Variants in SCAMP1 observed in about 807,000 individuals in gnomAD.
The protein encoded by SCAMP1 is secretory carrier membrane protein 1.
In SCAMP1, 15 loss-of-function variants were observed where a neutral mutation model predicts 41.8. The observed-to-expected ratio is 0.36, with a 90% confidence interval of 0.24 to 0.55. The LOEUF (loss-of-function observed/expected upper bound fraction) is 0.55. Ranked by LOEUF, SCAMP1 falls within the 20% of genes least tolerant of loss-of-function variation. The pLI is 0.86. For synonymous variants in SCAMP1, 135 were observed against 136.8 expected, an observed-to-expected ratio of 0.99 and a Z score of 0.09; for missense variants, 341 against 412.6, an observed-to-expected ratio of 0.83 and a Z score of 1.50.
At chr5:78,436,411 G>A (rs1752753915) in intron 6 of SCAMP1, among the ~76,000 whole-genome samples, 1 of 152,178 alleles carries the variant, frequency 6.6e-6, no homozygotes, top group African/African-American at 2.4e-5. Context: ...TAAGGTATAA[G>A]GAAGGGATCC....
chr5:78,464,553 A>G (rs1214235234), intron 8 of SCAMP1, among the ~76,000 whole-genome samples: 1 of 152,130 alleles, frequency 6.6e-6, no homozygotes, highest in Non-Finnish European at 1.5e-5. Context: ...AGTCCATTTA[A>G]TATATAATTC....
At chr5:78,415,422 G>T in intron 2 of SCAMP1, 98 bp from the exon 3 acceptor site, 1 of 698,990 alleles carries the variant, frequency 1.4e-6, no homozygotes, top group East Asian at 2.7e-5. Context: ...AAGAGATGCA[G>T]ATTTTGGGAT....
chr5:78,406,924 C>T (rs951601905), intron 2 of SCAMP1, among the ~76,000 whole-genome samples: 1 of 152,138 alleles, frequency 6.6e-6, no homozygotes, highest in Non-Finnish European at 1.5e-5. Flanking sequence ...TGTTCTTTGT[C>T]TCCAACTCTG....
intron 8 of SCAMP1, among the ~76,000 whole-genome samples, chr5:78,470,065 C>T (rs902336534): frequency 5.9e-5 from 9 of 151,976 alleles, no homozygotes; most frequent in Non-Finnish European, 1.0e-4. Context: ...ACACTCCAGC[C>T]TGGGCTACTG....
At chr5:78,436,665 C>T (rs945954752) in intron 6 of SCAMP1, among the ~76,000 whole-genome samples, 2 of 152,192 alleles carry the variant, frequency 1.3e-5, no homozygotes, top group African/African-American at 2.4e-5. Context: ...GTGATGCCTC[C>T]AGCTTTGTTC....
rs1482196203 is a variant in SCAMP1, at chr5:78,479,620, A to G, written c.*3952A>G. Among the ~76,000 whole-genome samples, 1 of 152,226 alleles carries G rather than the reference A, an allele frequency of 6.6e-6. No homozygotes were observed. Among genetic ancestry groups the G allele is most frequent in the Non-Finnish European group, 1.5e-5 (1 of 68,030 alleles). The stretch of plus-strand genomic sequence containing the variant: ...AGGTATTGCCACTAACCTGTCTTAT[A>G]TAAGCAGATACCTCTTATTTGAAGA... On this transcript the variant is annotated 3_prime_UTR_variant, in exon 9 of 9. Coordinates refer to ENST00000621999, the MANE Select transcript of SCAMP1 (RefSeq NM_004866.6).
Position 78,365,142 on chromosome 5 carries a change from A to G in SCAMP1, c.57+4414A>G, listed in dbSNP as rs973652591. ...AAGAGCTTAATGTATAGTGGTTTTA[A>G]TTAGGTACTAATATTTAGTATTAAT... On this transcript the variant is annotated intron_variant, in intron 1 of 8. Coordinates refer to ENST00000621999, the MANE Select transcript of SCAMP1 (RefSeq NM_004866.6). Among the ~76,000 whole-genome samples, 4 of 152,234 alleles carry G rather than the reference A, an allele frequency of 2.6e-5. No homozygotes were observed. The East Asian group carries it at 7.7e-4, about 29-fold the overall frequency.
chr5:78,376,122 A>G (rs555515289), intron 1 of SCAMP1, among the ~76,000 whole-genome samples: 2 of 152,234 alleles, frequency 1.3e-5, no homozygotes, highest in South Asian at 4.2e-4. Flanking sequence ...TCCTACCGAT[A>G]TGTGATGTCA....
At chr5:78,399,023 C>T (rs994450500) in intron 2 of SCAMP1, among the ~76,000 whole-genome samples, 3 of 152,160 alleles carry the variant, frequency 2.0e-5, no homozygotes, top group Non-Finnish European at 4.4e-5. Flanking sequence ...TTTACTGTCT[C>T]CATAGTTTTG....
chr5:78,361,975 C>T (rs1340039395), intron 1 of SCAMP1, among the ~76,000 whole-genome samples: 1 of 152,206 alleles, frequency 6.6e-6, no homozygotes, highest in Non-Finnish European at 1.5e-5. Context: ...ACTCGACTCA[C>T]TTTGTAGCAG....
At chr5:78,416,720 G>C (rs1199873446) in intron 4 of SCAMP1, 71 bp downstream of exon 4, 8 of 1,161,462 alleles carry the variant, frequency 6.9e-6, no homozygotes, top group Non-Finnish European at 2.4e-6. Flanking sequence ...CTAGCTCCTA[G>C]GTCATTTGGC....
At chr5:78,470,928 A>G (rs1419658604) in intron 8 of SCAMP1, among the ~76,000 whole-genome samples, 1 of 152,184 alleles carries the variant, frequency 6.6e-6, no homozygotes, top group African/African-American at 2.4e-5. Flanking sequence ...TAACACAGGT[A>G]TAGTCTCCTT....
rs145608010 is a variant in SCAMP1 at position 78,429,480 on chromosome 5, T to C, written c.632+7520T>C. Among the ~76,000 whole-genome samples, 3 of 152,154 alleles carry C rather than the reference T, an allele frequency of 2.0e-5. No individual in the cohort carries two copies. The East Asian group carries it at 5.8e-4, about 29-fold the overall frequency. ...ACTCTGTTAATATGGTGAGTTACATTGATTGACTTTTGTAAACCAACCCTG... is the reference window on the plus strand; with the variant it reads ...ACTCTGTTAATATGGTGAGTTACATCGATTGACTTTTGTAAACCAACCCTG... On this transcript the variant is annotated intron_variant, in intron 6 of 8. Coordinates refer to ENST00000621999, the MANE Select transcript of SCAMP1 (RefSeq NM_004866.6).
intron 1 of SCAMP1, among the ~76,000 whole-genome samples, chr5:78,382,058 A>C (rs1380524563): frequency 6.6e-6 from 1 of 152,234 alleles, no homozygotes; most frequent in Non-Finnish European, 1.5e-5. Context: ...ACTAAAGAGC[A>C]AAAGTCTCCA....
chr5:78,436,974 C>T (rs1391512386), intron 6 of SCAMP1, among the ~76,000 whole-genome samples: 1 of 152,198 alleles, frequency 6.6e-6, no homozygotes, highest in East Asian at 1.9e-4. Context: ...GTATTTTATT[C>T]TCTTTGTAGC....
At chr5:78,407,823 A>G (rs1751971536) in intron 2 of SCAMP1, among the ~76,000 whole-genome samples, 1 of 152,104 alleles carries the variant, frequency 6.6e-6, no homozygotes, top group Non-Finnish European at 1.5e-5. Flanking sequence ...AAAAGTCATT[A>G]TTATAGTTTT....
intron 8 of SCAMP1, among the ~76,000 whole-genome samples, chr5:78,474,636 T>C (rs1307656017): frequency 6.6e-6 from 1 of 152,180 alleles, no homozygotes; most frequent in Non-Finnish European, 1.5e-5. Context: ...TAAGCCTGCT[T>C]TGATTGCATT....
intron 1 of SCAMP1, among the ~76,000 whole-genome samples, chr5:78,385,715 C>G (rs1751324500): frequency 6.6e-6 from 1 of 152,148 alleles, no homozygotes; most frequent in South Asian, 2.1e-4. Context: ...AGTCATCATT[C>G]AGGAGCAGGT....
rs571932584 is a variant in SCAMP1 at position 78,479,190 on chromosome 5, A to C, written c.*3522A>C. 6.6e-6 allele frequency: 1 copy of C among 152,180 alleles called. No homozygotes were observed. Among genetic ancestry groups the C allele is most frequent in the Non-Finnish European group, 1.5e-5 (1 of 68,010 alleles). 9.4% of individuals were successfully genotyped at this position (152,180 alleles called of 1,614,324 possible). ...CATGGCTGTCATATACCATTTCACT[A>C]TATCTCCTTTCAGTTTTTCCTTAAG... On this transcript the variant is annotated 3_prime_UTR_variant, in exon 9 of 9. Coordinates refer to ENST00000621999, the MANE Select transcript of SCAMP1 (RefSeq NM_004866.6).
Sources: allele counts gnomAD v4.1 joint callset (sites outside exome capture counted in the v4.1 genomes callset), GRCh38; gene constraint gnomAD v4.1.1; transcripts MANE v1.5; gene names NCBI Gene and HGNC (gene_info 2026-07-23, HGNC 2026-07-21).